RSPO3: variants seen among roughly 807,000 people sequenced by gnomAD.
RSPO3 encodes R-spondin 3.
In RSPO3, 17 loss-of-function variants were observed where a neutral mutation model predicts 36.5. That is an observed-to-expected ratio of 0.47 (90% CI 0.32 to 0.70). The LOEUF (loss-of-function observed/expected upper bound fraction) is 0.70. Ranked by LOEUF, RSPO3 falls within the 30% of genes least tolerant of loss-of-function variation. RSPO3 has a pLI of 0.04. For synonymous variants in RSPO3, 108 were observed against 107.0 expected, an observed-to-expected ratio of 1.01 and a Z score of -0.06; for missense variants, 294 against 322.5, an observed-to-expected ratio of 0.91 and a Z score of 0.68.
At chr6:127,190,446 A>C (rs1775386229) in intron 4 of RSPO3, among the ~76,000 whole-genome samples, 1 of 152,138 alleles carries the variant, frequency 6.6e-6, no homozygotes, top group Admixed American at 6.6e-5. Context: ...AAAAACAAAA[A>C]AGAAAAAAGA....
rs376466587 is a variant in RSPO3, at chr6:127,153,772, T to C, written c.437-1469T>C. ...TGGACAAAGTGACAGCTCACAAACA[T>C]AGACTTTCCTCTTCTCATTTGCTTT... On this transcript the variant is annotated intron_variant, in intron 3 of 4. Coordinates refer to ENST00000356698, the MANE Select transcript of RSPO3 (RefSeq NM_032784.5). Among the ~76,000 whole-genome samples, 16 of 152,224 alleles carry C rather than the reference T, an allele frequency of 1.1e-4. No individual in the cohort carries two copies. In the East Asian group the frequency reaches 1.5e-3, roughly 15 times the overall value.
Position 127,196,634 on chromosome 6 carries a change from C to G in RSPO3, c.*627C>G, listed in dbSNP as rs775330007. The stretch of plus-strand genomic sequence containing the variant: ...TATACCATATGGGATTGGAGAAAGA[C>G]AAATGTGGAAGAAATCATAGAGCTG... On this transcript the variant is annotated 3_prime_UTR_variant, in exon 5 of 5. Transcript: ENST00000356698. The G allele has an allele frequency of 6.6e-6, 1 of 152,140 alleles. No individual in the cohort carries two copies. Among genetic ancestry groups the G allele is most frequent in the East Asian group, 1.9e-4 (1 of 5,196 alleles). 9.4% of individuals were successfully genotyped at this position (152,140 alleles called of 1,614,324 possible).
intron 1 of RSPO3, among the ~76,000 whole-genome samples, chr6:127,140,203 T>C (rs956296524): frequency 8.5e-5 from 13 of 152,342 alleles, no homozygotes; most frequent in African/African-American, 3.1e-4. Flanking sequence ...TGTTTCAATA[T>C]GCATTGCTAA....
chr6:127,145,442 C>T (rs1774364742), intron 1 of RSPO3, among the ~76,000 whole-genome samples: 1 of 152,108 alleles, frequency 6.6e-6, no homozygotes, highest in Admixed American at 6.5e-5. Flanking sequence ...GTGATTGAAA[C>T]ACCCTATGTT....
chr6:127,174,464 C>A (rs2114622501), intron 4 of RSPO3, among the ~76,000 whole-genome samples: 1 of 151,922 alleles, frequency 6.6e-6, no homozygotes, highest in South Asian at 2.1e-4. Context: ...GAGGACTAAG[C>A]AGTATGAAGA....
At chr6:127,177,351 G>A (rs1483392673) in intron 4 of RSPO3, among the ~76,000 whole-genome samples, 6 of 151,810 alleles carry the variant, frequency 4.0e-5, no homozygotes, top group Admixed American at 3.9e-4. Flanking sequence ...TACAGAAGGG[G>A]CACATTCATC....
chr6:127,122,723 G>A (rs1004192687), intron 1 of RSPO3, among the ~76,000 whole-genome samples: 2 of 152,116 alleles, frequency 1.3e-5, no homozygotes, highest in African/African-American at 4.8e-5. Context: ...AGAATAAACT[G>A]TTCTCCTTGA....
intron 4 of RSPO3, among the ~76,000 whole-genome samples, chr6:127,194,928 T>C (rs1775484080): frequency 6.6e-6 from 1 of 152,324 alleles, no homozygotes; most frequent in South Asian, 2.1e-4. Flanking sequence ...TGATCAGTTA[T>C]AGTCATCACC....
At chr6:127,195,127 G>T (rs1372536493) in intron 4 of RSPO3, among the ~76,000 whole-genome samples, 1 of 151,970 alleles carries the variant, frequency 6.6e-6, no homozygotes, top group African/African-American at 2.4e-5. Context: ...GAAAAAAATT[G>T]AATACAACAT....
chr6:127,135,465 A>ATCCCTCTG (rs1214933063), intron 1 of RSPO3, among the ~76,000 whole-genome samples: 1 of 150,984 alleles, frequency 6.6e-6, no homozygotes, highest in Non-Finnish European at 1.5e-5. Flanking sequence ...TTCTTAAAAG[A>ATCCCTCTG]TCCCTCTGAT....
chr6:127,170,428 C>CACACGT (rs1199081581), intron 4 of RSPO3, among the ~76,000 whole-genome samples: 1 of 110,888 alleles, frequency 9.0e-6, no homozygotes, highest in Non-Finnish European at 2.1e-5. Flanking sequence ...ATGGTGGTTC[C>CACACGT]ACACATACAC....
At chr6:127,153,698 G>T (rs1167546647) in intron 3 of RSPO3, among the ~76,000 whole-genome samples, 1 of 152,172 alleles carries the variant, frequency 6.6e-6, no homozygotes, top group East Asian at 1.9e-4. Context: ...TTGCACATCA[G>T]ATCATTTTTT....
chr6:127,168,332 T>C (rs1026818411), intron 4 of RSPO3, among the ~76,000 whole-genome samples: 5 of 152,168 alleles, frequency 3.3e-5, no homozygotes, highest in African/African-American at 1.2e-4. Context: ...GTGGTTTTGA[T>C]TTGCATTTCT....
At chr6:127,179,851 T>C (rs1582811410) in intron 4 of RSPO3, among the ~76,000 whole-genome samples, 1 of 151,788 alleles carries the variant, frequency 6.6e-6, no homozygotes, top group South Asian at 2.1e-4. Context: ...AGTGGCAGGT[T>C]GAGTCCTTTT....
intron 1 of RSPO3, among the ~76,000 whole-genome samples, chr6:127,136,231 C>T (rs1304270323): frequency 6.6e-6 from 1 of 152,160 alleles, no homozygotes; most frequent in East Asian, 1.9e-4. Context: ...TAATGGCCTT[C>T]TTGGAGAGAA....
chr6:127,174,469 T>A (rs1361935850), intron 4 of RSPO3, among the ~76,000 whole-genome samples: 1 of 151,892 alleles, frequency 6.6e-6, no homozygotes, highest in African/African-American at 2.4e-5. Context: ...CTAAGCAGTA[T>A]GAAGAAAGCA....
intron 1 of RSPO3, among the ~76,000 whole-genome samples, chr6:127,125,729 T>C (rs1014270855): frequency 6.6e-6 from 1 of 152,114 alleles, no homozygotes; most frequent in Non-Finnish European, 1.5e-5. Flanking sequence ...ATATACCTCA[T>C]AATTCACATT....
intron 4 of RSPO3, among the ~76,000 whole-genome samples, chr6:127,186,633 T>G (rs943388439): frequency 6.6e-6 from 1 of 152,164 alleles, no homozygotes; most frequent in African/African-American, 2.4e-5. Context: ...AATTCATATT[T>G]TTAAAGCAAT....
chr6:127,173,387 A>G (rs1291117078), intron 4 of RSPO3, among the ~76,000 whole-genome samples: 1 of 151,842 alleles, frequency 6.6e-6, no homozygotes, highest in Non-Finnish European at 1.5e-5. Flanking sequence ...AGAGTCAGTG[A>G]CCTTCAGGCT....
Sources: allele counts gnomAD v4.1 joint callset (sites outside exome capture counted in the v4.1 genomes callset), GRCh38; gene constraint gnomAD v4.1.1; transcripts MANE v1.5; gene names NCBI Gene and HGNC (gene_info 2026-07-23, HGNC 2026-07-21).